Variants in KCNQ5 observed in about 807,000 individuals in gnomAD.
The protein encoded by KCNQ5 is potassium voltage-gated channel subfamily Q member 5, also known as potassium voltage-gated channel subfamily KQT member 5.
KCNQ5 carries 30 observed loss-of-function variants against 98.2 expected under a neutral mutation model. That is an observed-to-expected ratio of 0.31 (90% CI 0.23 to 0.41). The LOEUF is 0.41. KCNQ5 is among the 10% of genes least tolerant of loss of function. KCNQ5 has a pLI of 1.00. For synonymous variants in KCNQ5, 458 were observed against 449.4 expected, an observed-to-expected ratio of 1.02 and a Z score of -0.24; for missense variants, 835 against 1,182.5, an observed-to-expected ratio of 0.71 and a Z score of 4.31.
chr6:72,950,102 A>G (rs1464479345), intron 1 of KCNQ5, among the ~76,000 whole-genome samples: 1 of 152,224 alleles, frequency 6.6e-6, no homozygotes, highest in African/African-American at 2.4e-5. Flanking sequence ...ATTTTTCAAC[A>G]AGGATCCTGG....
chr6:73,151,987 C>T (rs1395495285), intron 10 of KCNQ5, among the ~76,000 whole-genome samples: 1 of 152,216 alleles, frequency 6.6e-6, no homozygotes, highest in Non-Finnish European at 1.5e-5. Context: ...ACACTGCTTT[C>T]ACACGGGAAT....
At chr6:72,654,429 A>C (rs1368377484) in intron 1 of KCNQ5, among the ~76,000 whole-genome samples, 5 of 152,114 alleles carry the variant, frequency 3.3e-5, no homozygotes, top group Non-Finnish European at 7.4e-5. Flanking sequence ...GCATTGGTAC[A>C]GTAACCAAGG....
intron 1 of KCNQ5, among the ~76,000 whole-genome samples, chr6:72,975,968 A>G (rs1212817612): frequency 2.6e-5 from 4 of 152,196 alleles, no homozygotes; most frequent in Non-Finnish European, 5.9e-5. Context: ...AAACAAGTGA[A>G]TCATGTAGGT....
intron 4 of KCNQ5, 65 bp downstream of exon 4, chr6:73,077,562 G>C (rs1453368391): frequency 6.7e-7 from 1 of 1,491,862 alleles, no homozygotes; most frequent in East Asian, 2.4e-5. Context: ...CGCTGTAATA[G>C]TTAATAAACC....
chr6:73,053,092 C>T (rs1772316902), intron 3 of KCNQ5, among the ~76,000 whole-genome samples: 2 of 152,044 alleles, frequency 1.3e-5, no homozygotes, highest in Admixed American at 1.3e-4. Context: ...GCAGGAGTTG[C>T]TATTCTACAT....
At chr6:73,133,785 TTTATTC>T (rs534812341) in intron 10 of KCNQ5, 144 bp downstream of exon 10, 156 of 836,092 alleles carry the variant, frequency 1.9e-4, no homozygotes, top group Non-Finnish European at 2.8e-4. Context: ...TTATTGGAAG[TTTATTC>T]ATTGCCTTGG....
rs563210117 is a variant in KCNQ5 at position 72,708,732 on chromosome 6, G to A, written c.398+86145G>A. 7.9e-5 allele frequency among the ~76,000 whole-genome samples: 12 copies of A among 152,148 alleles called. No homozygotes were observed. The South Asian group carries it at 1.5e-3, about 18-fold the overall frequency. On this transcript the variant is annotated intron_variant, in intron 1 of 13. Transcript: ENST00000370398. ...AGACGGTGTCTGGCCATGTTGCCCCGCCTGGTCTCCTGAGCTCAAGTGATC... is the reference window on the plus strand; with the variant it reads ...AGACGGTGTCTGGCCATGTTGCCCCACCTGGTCTCCTGAGCTCAAGTGATC...
At chr6:73,091,770 A>T (rs79796699) in intron 5 of KCNQ5, among the ~76,000 whole-genome samples, 1 of 125,800 alleles carries the variant, frequency 7.9e-6, no homozygotes, top group Non-Finnish European at 1.8e-5. Flanking sequence ...TTGTTGGTTT[A>T]TTTGTTTGTT....
At chr6:73,088,221 A>G (rs1329597715) in intron 5 of KCNQ5, among the ~76,000 whole-genome samples, 1 of 151,824 alleles carries the variant, frequency 6.6e-6, no homozygotes, top group Non-Finnish European at 1.5e-5. Flanking sequence ...GAGTTTCACC[A>G]TGTTGGCCAG....
At chr6:72,849,959 C>G (rs1472588840) in intron 1 of KCNQ5, among the ~76,000 whole-genome samples, 1 of 152,144 alleles carries the variant, frequency 6.6e-6, no homozygotes, top group African/African-American at 2.4e-5. Context: ...TAACATTTTT[C>G]TGCATCAAAT....
chr6:72,906,882 A>T (rs774031249), intron 1 of KCNQ5, among the ~76,000 whole-genome samples: 3 of 152,154 alleles, frequency 2.0e-5, no homozygotes, highest in Non-Finnish European at 4.4e-5. Context: ...TGCTTCATCC[A>T]TCAGAGTTGG....
At chr6:72,922,101 G>C (rs1221915692) in intron 1 of KCNQ5, among the ~76,000 whole-genome samples, 6 of 152,124 alleles carry the variant, frequency 3.9e-5, no homozygotes. Flanking sequence ...CCCCAGTTCT[G>C]TAAGACCAAC....
intron 1 of KCNQ5, among the ~76,000 whole-genome samples, chr6:72,800,260 A>G (rs62412465): frequency 6.6e-6 from 1 of 152,126 alleles, no homozygotes; most frequent in Non-Finnish European, 1.5e-5. Flanking sequence ...ATCTGGTCCT[A>G]GACTCTTTTT....
chr6:73,131,094 C>T (rs914361595), intron 9 of KCNQ5, among the ~76,000 whole-genome samples: 3 of 151,916 alleles, frequency 2.0e-5, no homozygotes, highest in Non-Finnish European at 4.4e-5. Flanking sequence ...TCACATTTTC[C>T]AATTTATTCA....
intron 8 of KCNQ5, among the ~76,000 whole-genome samples, chr6:73,120,797 A>T (rs1582395211): frequency 6.6e-6 from 1 of 152,364 alleles, no homozygotes; most frequent in African/African-American, 2.4e-5. Flanking sequence ...AGATTAAAAT[A>T]ATGTAAATTT....
intron 1 of KCNQ5, among the ~76,000 whole-genome samples, chr6:72,936,567 A>C (rs1765925352): frequency 6.6e-6 from 1 of 152,206 alleles, no homozygotes; most frequent in Non-Finnish European, 1.5e-5. Flanking sequence ...GGTAGCATAG[A>C]ATTAGATGTT....
At position 73,195,633 on chromosome 6, in the gene KCNQ5, ACCTTG is replaced by A. The variant is rs1765767157; in HGVS notation, c.*220_*224del. On this transcript the variant is annotated 3_prime_UTR_variant, in exon 14 of 14. Transcript: ENST00000370398. ...CATTAACCCACTCATTTAGTAATGT[ACCTTG>A]AGTTAAAAAGCCTGAGAAACCAAAC... 1.8e-6 allele frequency: 1 copy of A among 558,264 alleles called. No individual in the cohort carries two copies. The highest frequency in any genetic ancestry group is 3.1e-6 in the Non-Finnish European group (1 of 319,912). 34.6% of individuals were successfully genotyped at this position (558,264 alleles called of 1,614,324 possible). A position where few individuals can be genotyped will look rare whatever the true frequency, so the allele number is the denominator to read the frequency against.
At chr6:72,682,874 A>G (rs1180755853) in intron 1 of KCNQ5, among the ~76,000 whole-genome samples, 1 of 152,116 alleles carries the variant, frequency 6.6e-6, no homozygotes, top group Non-Finnish European at 1.5e-5. Flanking sequence ...CACACTTACC[A>G]AAGAAAGAGG....
chr6:72,837,457 C>A (rs1776553584), intron 1 of KCNQ5, among the ~76,000 whole-genome samples: 1 of 152,112 alleles, frequency 6.6e-6, no homozygotes, highest in African/African-American at 2.4e-5. Flanking sequence ...TTGTATGTAA[C>A]ACCTGTACTA....
Sources: gnomAD v4.1 joint callset for allele counts (sites outside exome capture counted in the v4.1 genomes callset) on GRCh38, gnomAD v4.1.1 for gene constraint, MANE v1.5 for transcripts, NCBI Gene and HGNC (gene_info 2026-07-23, HGNC 2026-07-21) for gene names.